Variants in HLF observed in about 807,000 individuals in gnomAD.
The protein encoded by HLF is hepatic leukemia factor.
Under a neutral mutation model 22.6 loss-of-function variants are expected in HLF, and 3 were observed. That is an observed-to-expected ratio of 0.13 (90% confidence interval 0.06 to 0.34). The LOEUF (loss-of-function observed/expected upper bound fraction) is 0.34, where lower values mean the gene tolerates loss of function less well. Among genes scored for constraint, HLF ranks in the 10% least tolerant of loss-of-function variants. The probability of loss-of-function intolerance (pLI) is 1.00; values close to 1 mark genes in which losing one functional copy is unlikely to be tolerated. For missense variants in HLF, 299 were observed against 389.2 expected, an observed-to-expected ratio of 0.77 and a Z score of 1.95; for synonymous variants, 151 against 151.8, an observed-to-expected ratio of 0.99 and a Z score of 0.04.
intron 2 of HLF, chr17:55,271,389 G>C (rs896398418): frequency 6.6e-6 from 1 of 152,172 alleles, no homozygotes; most frequent in African/African-American, 2.4e-5. Context: ...GCTATGCTCC[G>C]TTGTGGTGTT....
chr17:55,265,155 T>G lies in HLF; in HGVS notation c.-330T>G. 4.4e-6 allele frequency: 1 copy of G among 225,452 alleles called. No homozygotes were observed. The highest frequency in any genetic ancestry group is 8.8e-6 in the Non-Finnish European group (1 of 114,246). The allele number at this position is 225,452 out of a possible 1,614,324, so 14.0% of individuals were successfully genotyped here. On this transcript the variant is annotated 5_prime_UTR_variant, in exon 1 of 4. Transcript: ENST00000226067. ...CCCTTCTGCAGCCGTCGACATTTTTTTTTCTTTCTTTTTTTCAATTTTGAA... is the reference window on the plus strand; with the variant it reads ...CCCTTCTGCAGCCGTCGACATTTTTGTTTCTTTCTTTTTTTCAATTTTGAA...
chr17:55,282,645 T>C (rs890670375), intron 2 of HLF, among the ~76,000 whole-genome samples: 4 of 152,200 alleles, frequency 2.6e-5, no homozygotes, highest in African/African-American at 4.8e-5. Flanking sequence ...ACAGGACAGG[T>C]CACCAAATCT....
chr17:55,267,587 C>T (rs2080804948), intron 1 of HLF, 164 bp from the exon 2 acceptor site: 1 of 558,992 alleles, frequency 1.8e-6, no homozygotes, highest in Admixed American at 3.4e-5. Flanking sequence ...GATCCACGTC[C>T]TGCCTGAACT....
chr17:55,298,027 G>C (rs544433846), intron 2 of HLF, among the ~76,000 whole-genome samples: 111 of 152,108 alleles, frequency 7.3e-4, no homozygotes, highest in African/African-American at 2.6e-3. Flanking sequence ...TGGGATTACA[G>C]GTATGAGCCA....
intron 2 of HLF, among the ~76,000 whole-genome samples, chr17:55,281,630 C>T (rs1302208266): frequency 6.6e-6 from 1 of 152,106 alleles, no homozygotes; most frequent in African/African-American, 2.4e-5. Flanking sequence ...ATAGCAATAG[C>T]CATTATGTGT....
chr17:55,268,130 G>A (rs1354570577), intron 2 of HLF, 44 bp downstream of exon 2: 2 of 1,374,964 alleles, frequency 1.5e-6, no homozygotes, highest in Non-Finnish European at 2.0e-6. Context: ...GAGGAGGAGG[G>A]TGAATGGGAC....
In HLF at chr17:55,324,589, A is replaced by C. The variant is rs1905387463; in HGVS notation, c.*3710A>C. The C allele has an allele frequency of 4.3e-6, 1 of 232,434 alleles. No individual in the cohort carries two copies. Among genetic ancestry groups the C allele is most frequent in the Non-Finnish European group, 8.5e-6 (1 of 117,622 alleles). 14.4% of individuals were successfully genotyped at this position (232,434 alleles called of 1,614,324 possible). ...CTGGATTTAGCACTGGGGTCTCAGC[A>C]CCCTGCAGGTGTCTGAGACTAAGTG... On this transcript the variant is annotated 3_prime_UTR_variant, in exon 4 of 4. Coordinates refer to ENST00000226067, the MANE Select transcript of HLF (RefSeq NM_002126.5).
intron 2 of HLF, among the ~76,000 whole-genome samples, chr17:55,286,189 G>A (rs1394103168): frequency 2.0e-5 from 3 of 152,210 alleles, no homozygotes; most frequent in Non-Finnish European, 2.9e-5. Flanking sequence ...ATGGAAGGAA[G>A]GAACTTCAGC....
chr17:55,301,490 T>C (rs534360760), intron 2 of HLF, among the ~76,000 whole-genome samples: 1 of 152,328 alleles, frequency 6.6e-6, no homozygotes, highest in East Asian at 1.9e-4. Flanking sequence ...GTATAGACAT[T>C]GTGAGAGAAG....
At chr17:55,265,778 C>T (rs1863100383) in intron 1 of HLF, 179 bp downstream of exon 1, 2 of 1,311,910 alleles carry the variant, frequency 1.5e-6, no homozygotes, top group South Asian at 3.8e-5. Context: ...CTTCCTCCTC[C>T]TCCATGAAAG....
chr17:55,315,215 G>A lies in HLF; in HGVS notation c.452-12G>A, dbSNP rs1486161655. On this transcript the variant is annotated splice_polypyrimidine_tract_variant and intron_variant, in intron 2 of 3. Transcript: ENST00000226067. ...AGGGTGTTCATGAATTAAAACTCCT[G>A]TGTTGTTCCAGGTCAGCTGTTGCCA... 2 of 1,611,534 alleles carry A rather than the reference G, an allele frequency of 1.2e-6. No homozygotes were observed. The highest frequency in any genetic ancestry group is 1.7e-5 in the Admixed American group (1 of 60,024).
chr17:55,317,593 T>G (rs1265838848), intron 3 of HLF, among the ~76,000 whole-genome samples: 1 of 152,214 alleles, frequency 6.6e-6, no homozygotes, highest in East Asian at 1.9e-4. Flanking sequence ...CTTGGATATT[T>G]TTTAGTTGTG....
rs1013449557 is a variant in HLF, at chr17:55,266,065, T to A, written c.115+466T>A. Among the ~76,000 whole-genome samples the A allele has an allele frequency of 1.2e-4, 18 of 151,720 alleles. No homozygotes were observed. In the South Asian group the frequency reaches 2.5e-3, roughly 21 times the overall value. Reference sequence around the variant, plus strand: ...CGTAGCCTGGGTTTTGGGGTTGTGTTACAGCTTCTGTTACTGGTTAGTATT... The same window carrying A: ...CGTAGCCTGGGTTTTGGGGTTGTGTAACAGCTTCTGTTACTGGTTAGTATT... On this transcript the variant is annotated intron_variant, in intron 1 of 3. Coordinates refer to ENST00000226067, the MANE Select transcript of HLF (RefSeq NM_002126.5).
intron 2 of HLF, among the ~76,000 whole-genome samples, chr17:55,301,558 C>T (rs1202189224): frequency 1.3e-5 from 2 of 152,162 alleles, no homozygotes; most frequent in Non-Finnish European, 2.9e-5. Flanking sequence ...TTGAATTAGA[C>T]CTTGATATGG....
At chr17:55,306,379 A>G (rs1030983938) in intron 2 of HLF, among the ~76,000 whole-genome samples, 1 of 152,176 alleles carries the variant, frequency 6.6e-6, no homozygotes, top group Admixed American at 6.5e-5. Flanking sequence ...TGCTTTACCC[A>G]TATTTCTGTT....
At chr17:55,287,111 A>T (rs2081011315) in intron 2 of HLF, among the ~76,000 whole-genome samples, 1 of 152,234 alleles carries the variant, frequency 6.6e-6, no homozygotes, top group Admixed American at 6.5e-5. Context: ...TGCTTCAAAG[A>T]GTAATACTGT....
chr17:55,294,265 G>A (rs540630660), intron 2 of HLF, among the ~76,000 whole-genome samples: 2 of 152,318 alleles, frequency 1.3e-5, no homozygotes, highest in East Asian at 3.9e-4. Flanking sequence ...AGACGCATAT[G>A]GTCAAGAGAA....
At chr17:55,302,298 C>G (rs1904333402) in intron 2 of HLF, among the ~76,000 whole-genome samples, 1 of 152,240 alleles carries the variant, frequency 6.6e-6, no homozygotes, top group African/African-American at 2.4e-5. Context: ...ACAGAGAACA[C>G]TGGCTAGGAG....
chr17:55,302,644 A>T (rs921349285), intron 2 of HLF, among the ~76,000 whole-genome samples: 1 of 152,156 alleles, frequency 6.6e-6, no homozygotes, highest in Non-Finnish European at 1.5e-5. Context: ...CTAAAAACAA[A>T]ATATTTAATG....
Sources: allele counts gnomAD v4.1 joint callset (sites outside exome capture counted in the v4.1 genomes callset), GRCh38; gene constraint gnomAD v4.1.1; transcripts MANE v1.5; gene names NCBI Gene and HGNC (gene_info 2026-07-23, HGNC 2026-07-21).